Variants in ADAMTS16 observed in about 807,000 individuals in gnomAD.
The protein encoded by ADAMTS16 is ADAM metallopeptidase with thrombospondin type 1 motif 16.
Under a neutral mutation model 145.8 loss-of-function variants are expected in ADAMTS16, and 94 were observed. That is an observed-to-expected ratio of 0.64 (90% CI 0.55 to 0.77). The LOEUF is 0.77. ADAMTS16 is among the 30% of genes least tolerant of loss of function. The probability of loss-of-function intolerance (pLI) is 0.00; values close to 1 mark genes in which losing one functional copy is unlikely to be tolerated. For missense variants in ADAMTS16, 1,585 were observed against 1,591.5 expected (o/e 1.00, Z 0.07); for synonymous variants, 659 against 604.3 (o/e 1.09, Z -1.33).
Position 5,200,182 on chromosome 5 carries a change from G to A in ADAMTS16, c.1364G>A (p.Gly455Asp). ...GGGAACATGTGCAAAAAGTCCGAGGGCAACATCATGTCCCCTACATTGGCA... is the reference window on the plus strand; with the variant it reads ...GGGAACATGTGCAAAAAGTCCGAGGACAACATCATGTCCCCTACATTGGCA... ...GEGNMCKKSE[G>D]NIMSPTLAGR... The change falls in exon 9 of 23, where the codon GGC becomes GAC. Residue 455 changes from glycine (G) to aspartate (D), a missense_variant. Physicochemically the swap from Gly to Asp is moderately conservative, Grantham distance 94. Transcript: ENST00000274181. 1 of 1,613,944 alleles carries A rather than the reference G, an allele frequency of 6.2e-7. No homozygotes were observed. The highest frequency in any genetic ancestry group is 8.5e-7 in the Non-Finnish European group (1 of 1,179,950).
At position 5,232,408 on chromosome 5, in the gene ADAMTS16, G is replaced by A; in HGVS notation, c.1742G>A (p.Gly581Asp). ...GGQCVKYGDE[G>D]PKPTHGHWSD... ...CAGTGTGTGAAATATGGTGATGAAGGCCCCAAGCCCACCCATGGCCACTGG... is the reference window on the plus strand; with the variant it reads ...CAGTGTGTGAAATATGGTGATGAAGACCCCAAGCCCACCCATGGCCACTGG... The change falls in exon 12 of 23, where the codon GGC (glycine) becomes GAC (aspartate). Residue 581 changes from glycine to aspartate, a missense_variant. This residue lies in a region of ADAMTS16 where 298 missense variants were observed against 367.6 expected (regional missense o/e 0.81). Transcript: ENST00000274181. The A allele has an allele frequency of 6.2e-7, 1 of 1,613,876 alleles. No individual in the cohort carries two copies. The highest frequency in any genetic ancestry group is 1.1e-5 in the South Asian group (1 of 91,052).
In ADAMTS16 at chr5:5,250,347, A is replaced by T. The variant is rs1011598448; in HGVS notation, c.2662+8156A>T. Among the ~76,000 whole-genome samples, 4 of 152,202 alleles carry T rather than the reference A, an allele frequency of 2.6e-5. No individual in the cohort carries two copies. The East Asian group carries it at 5.8e-4, about 22-fold the overall frequency. On this transcript the variant is annotated intron_variant, in intron 17 of 22. Coordinates refer to ENST00000274181, the MANE Select transcript of ADAMTS16 (RefSeq NM_139056.4). ...ATAGGAGCCATGCAGAAAATAAGGGACAAAATCAAAGATATGGAAGAAGAA... is the reference window on the plus strand; with the variant it reads ...ATAGGAGCCATGCAGAAAATAAGGGTCAAAATCAAAGATATGGAAGAAGAA...
intron 3 of ADAMTS16, among the ~76,000 whole-genome samples, chr5:5,150,827 C>T (rs114910343): frequency 0.014 from 2,064 of 152,320 alleles, 51 homozygotes; most frequent in African/African-American, 0.047. Context: ...AATATGTCAT[C>T]CTACTGCTTT....
rs912300290 is a variant in ADAMTS16, at chr5:5,303,631, C to T, written c.3051C>T (p.Asn1017=). The T allele has an allele frequency of 3.1e-6, 5 of 1,614,026 alleles. No homozygotes were observed. The highest frequency in any genetic ancestry group is 1.7e-5 in the Admixed American group (1 of 60,012). The change falls in exon 20 of 23, where the codon AAC becomes AAT. Residue 1017 remains asparagine, a synonymous_variant. Transcript: ENST00000274181. ...RKRAVACKST[N]PSARAQLLPD... ...GGGCAGTGGCCTGTAAGAGCACCAA[C>T]CCCTCGGCCAGAGCGCAGCTGCTGC...
At chr5:5,183,287 G>C (rs572793590) in intron 4 of ADAMTS16, among the ~76,000 whole-genome samples, 3 of 152,192 alleles carry the variant, frequency 2.0e-5, no homozygotes, top group Non-Finnish European at 2.9e-5. Flanking sequence ...TGAGCAGGAG[G>C]CTGAGAGAGT....
chr5:5,251,001 A>G (rs1281168597), intron 17 of ADAMTS16, among the ~76,000 whole-genome samples: 3 of 152,142 alleles, frequency 2.0e-5, no homozygotes, highest in African/African-American at 7.2e-5. Flanking sequence ...AAGAAAGTTC[A>G]GAGCAGTCGG....
intron 18 of ADAMTS16, among the ~76,000 whole-genome samples, chr5:5,273,200 T>C (rs1420722745): frequency 1.3e-5 from 2 of 152,152 alleles, no homozygotes; most frequent in Admixed American, 6.5e-5. Context: ...CTCAGTCTAA[T>C]CAGGGAAACC....
chr5:5,286,298 A>G (rs1342645537), intron 18 of ADAMTS16, among the ~76,000 whole-genome samples: 1 of 152,226 alleles, frequency 6.6e-6, no homozygotes, highest in Admixed American at 6.5e-5. Flanking sequence ...GCATAGACCA[A>G]TAAATTATGC....
At position 5,239,242 on chromosome 5, in the gene ADAMTS16, G is replaced by T; in HGVS notation, c.2246G>T (p.Arg749Met). The change falls in exon 15 of 23, where the codon AGG (arginine) becomes ATG (methionine). Residue 749 changes from arginine (R) to methionine (M), a missense_variant. Physicochemically the swap from Arg to Met is moderately conservative, Grantham distance 91. Around this residue, in one of 3 missense-constraint regions of ADAMTS16, gnomAD observed 834 missense variants for 811.7 expected, o/e 1.03. Transcript: ENST00000274181. ...AATAACTCAGCCTGCACGATTCACAGGGGTCTCTACACCAAGCACCACCAC... is the reference window on the plus strand; with the variant it reads ...AATAACTCAGCCTGCACGATTCACATGGGTCTCTACACCAAGCACCACCAC... ...NGNNSACTIH[R>M]GLYTKHHHTN... is the part of the protein sequence containing the mutation. The T allele has an allele frequency of 6.3e-7, 1 of 1,598,644 alleles. No homozygotes were observed. The highest frequency in any genetic ancestry group is 1.1e-5 in the South Asian group (1 of 88,160).
intron 3 of ADAMTS16, among the ~76,000 whole-genome samples, chr5:5,153,818 T>A (rs1734533158): frequency 6.6e-6 from 1 of 152,224 alleles, no homozygotes; most frequent in Non-Finnish European, 1.5e-5. Context: ...AAACATGATG[T>A]TTGTCAAGGC....
chr5:5,189,962 C>T lies in ADAMTS16; in HGVS notation c.1048-9C>T, dbSNP rs763566517. 30 of 1,610,032 alleles carry T rather than the reference C, an allele frequency of 1.9e-5. No individual in the cohort carries two copies. The South Asian group carries it at 3.2e-4, about 17-fold the overall frequency. On this transcript the variant is annotated splice_polypyrimidine_tract_variant and intron_variant, in intron 6 of 22. Transcript: ENST00000274181. ...ATCATGGGGTCCTCGGTCCTTGTCT[C>T]TTGCACAGCCAGGACTGGTGATAAG... is the stretch of plus-strand genomic sequence containing the variant.
At chr5:5,282,051 T>C (rs868316166) in intron 18 of ADAMTS16, among the ~76,000 whole-genome samples, 2 of 152,018 alleles carry the variant, frequency 1.3e-5, no homozygotes, top group South Asian at 4.1e-4. Flanking sequence ...TGCTCACCCG[T>C]TGAGCCTTTG....
intron 3 of ADAMTS16, among the ~76,000 whole-genome samples, chr5:5,147,905 C>T (rs1043596349): frequency 6.6e-6 from 1 of 152,094 alleles, no homozygotes; most frequent in Non-Finnish European, 1.5e-5. Context: ...ATGCAAGCTC[C>T]CTGAGGCCCC....
chr5:5,270,737 T>C (rs1738436832), intron 18 of ADAMTS16, among the ~76,000 whole-genome samples: 1 of 152,252 alleles, frequency 6.6e-6, no homozygotes, highest in Non-Finnish European at 1.5e-5. Flanking sequence ...AATATATTTC[T>C]ATTATGTCCT....
Position 5,200,330 on chromosome 5 carries a change from C to G in ADAMTS16, c.1451+61C>G. The G allele has an allele frequency of 1.9e-6, 3 of 1,594,518 alleles. No homozygotes were observed. The South Asian group carries it at 3.4e-5, about 18-fold the overall frequency. On this transcript the variant is annotated intron_variant, in intron 9 of 22. Transcript: ENST00000274181. Reference sequence around the variant, plus strand: ...GGGCCTTTGATGCTCACTGCCTGGTCAGCCAGATCCTGTGCAAGCAGCCCC... The same window carrying G: ...GGGCCTTTGATGCTCACTGCCTGGTGAGCCAGATCCTGTGCAAGCAGCCCC...
intron 18 of ADAMTS16, among the ~76,000 whole-genome samples, chr5:5,294,769 G>T (rs1304447251): frequency 6.6e-6 from 1 of 152,180 alleles, no homozygotes; most frequent in Non-Finnish European, 1.5e-5. Flanking sequence ...GAAAAGGCTG[G>T]AGGATGAAGC....
intron 8 of ADAMTS16, among the ~76,000 whole-genome samples, chr5:5,195,097 C>T (rs1028833217): frequency 6.6e-6 from 1 of 152,022 alleles, no homozygotes; most frequent in African/African-American, 2.4e-5. Flanking sequence ...GGGAATGTGA[C>T]CTAAAAATAG....
chr5:5,209,353 T>G (rs1050788558), intron 10 of ADAMTS16, 107 bp downstream of exon 10: 258 of 1,339,756 alleles, frequency 1.9e-4, no homozygotes, highest in Admixed American at 9.8e-4. Flanking sequence ...CTACCAAATG[T>G]CAAATCCTGT....
At chr5:5,258,890 G>A (rs1737896402) in intron 17 of ADAMTS16, among the ~76,000 whole-genome samples, 1 of 151,988 alleles carries the variant, frequency 6.6e-6, no homozygotes, top group Admixed American at 6.6e-5. Flanking sequence ...GGGTGTGTAT[G>A]TATATTTTTA....
Sources: allele counts gnomAD v4.1 joint callset (sites outside exome capture counted in the v4.1 genomes callset), GRCh38; gene constraint gnomAD v4.1.1; regional missense constraint gnomAD v4.1.1; transcripts MANE v1.5; gene names NCBI Gene and HGNC (gene_info 2026-07-23, HGNC 2026-07-21).